NDUFAB1: variants seen among roughly 807,000 people sequenced by gnomAD.
The protein encoded by NDUFAB1 is NADH:ubiquinone oxidoreductase subunit AB1.
NDUFAB1 carries 5 observed loss-of-function variants against 16.1 expected under a neutral mutation model. The ratio of observed to expected loss-of-function variants is 0.31; its 90% confidence interval spans 0.16 to 0.65. The LOEUF (loss-of-function observed/expected upper bound fraction) is 0.65, where lower values mean the gene tolerates loss of function less well. Among genes scored for constraint, NDUFAB1 ranks in the 30% least tolerant of loss-of-function variants. The pLI is 0.77. For synonymous variants in NDUFAB1, 85 were observed against 78.4 expected, an observed-to-expected ratio of 1.08 and a Z score of -0.44; for missense variants, 187 against 205.3, an observed-to-expected ratio of 0.91 and a Z score of 0.54.
chr16:23,596,268 G>A lies in NDUFAB1; in HGVS notation c.23C>T (p.Ala8Val). The A allele has an allele frequency of 1.3e-6, 2 of 1,583,378 alleles. No homozygotes were observed. The highest frequency in any genetic ancestry group is 8.6e-7 in the Non-Finnish European group (1 of 1,166,788). Residue 8 changes from alanine to valine, a missense_variant, in exon 1 of 5, where the codon GCC becomes GTC. Around this residue, in one of 3 missense-constraint regions of NDUFAB1, gnomAD observed 135 missense variants for 129.4 expected, o/e 1.04. Coordinates refer to ENST00000007516, the MANE Select transcript of NDUFAB1 (RefSeq NM_005003.3). The part of the protein sequence containing the change: MASRVLS[A>V]YVSRLPAAFA... Reference sequence around the variant, plus strand: ...GGCCGCGGGCAGGCGGCTGACATAGGCTGAAAGGACACGAGACGCCATGGC... The same window carrying A: ...GGCCGCGGGCAGGCGGCTGACATAGACTGAAAGGACACGAGACGCCATGGC...
At chr16:23,595,645 GGAA>G (rs1272305671) in intron 1 of NDUFAB1, 1 of 457,830 alleles carries the variant, frequency 2.2e-6, no homozygotes, top group African/African-American at 2.0e-5. Context: ...GGTGCTGCAG[GGAA>G]GAGTAAGGAC....
In NDUFAB1 at chr16:23,587,241, C is replaced by T. The variant is rs1487287519; in HGVS notation, c.247G>A (p.Val83Ile). The change falls in exon 2 of 5, where the codon GTT (valine) becomes ATT (isoleucine). Residue 83 changes from valine to isoleucine, a missense_variant. Transcript: ENST00000007516. Reference protein sequence around the residue: ...PLTLEGIQDRVLYVLKLYDKI... With the variant: ...PLTLEGIQDRILYVLKLYDKI... The stretch of plus-strand genomic sequence containing the variant: ...TCATAGAGTTTCAATACGTAAAGAA[C>T]ACGGTCCTGGATGCCCTCTAACGTC... The T allele has an allele frequency of 1.2e-6, 2 of 1,614,126 alleles. No individual in the cohort carries two copies. Among genetic ancestry groups the T allele is most frequent in the Non-Finnish European group, 1.7e-6 (2 of 1,179,996 alleles).
At chr16:23,592,697 GTTTT>G (rs1043557946) in intron 1 of NDUFAB1, among the ~76,000 whole-genome samples, 14 of 152,044 alleles carry the variant, frequency 9.2e-5, no homozygotes, top group African/African-American at 3.1e-4. Context: ...CTTGGTTTTT[GTTTT>G]TTTGTTTTTT....
chr16:23,585,486 CAG>C (rs1966224713), intron 2 of NDUFAB1, 63 bp from the exon 3 acceptor site: 5 of 1,153,102 alleles, frequency 4.3e-6, no homozygotes, highest in Middle Eastern at 1.9e-4. Context: ...CCCAAGATAA[CAG>C]GGTGGTACAA....
Position 23,596,276 on chromosome 16 carries a change from G to T in NDUFAB1, c.15C>A (p.Val5=). ...GCAGGCGGCTGACATAGGCTGAAAG[G>T]ACACGAGACGCCATGGCTACGCCAA... MASR[V]LSAYVSRLPA... is the part of the protein sequence containing the mutation. Residue 5 remains valine, a synonymous_variant, in exon 1 of 5, where the codon GTC becomes GTA. Coordinates refer to ENST00000007516, the MANE Select transcript of NDUFAB1 (RefSeq NM_005003.3). The T allele has an allele frequency of 6.4e-7, 1 of 1,571,444 alleles. No individual in the cohort carries two copies.
rs549977559 is a variant in NDUFAB1, at chr16:23,584,974, G to A, written c.379+362C>T. Among the ~76,000 whole-genome samples the A allele has an allele frequency of 4.6e-5, 7 of 152,318 alleles. No individual in the cohort carries two copies. In the South Asian group the frequency reaches 8.3e-4, roughly 18 times the overall value. The stretch of plus-strand genomic sequence containing the variant: ...CACACATTACTTCTACCTGGTTCGC[G>A]TTACCCGAGCTCAGGAGGGGCTGAC... On this transcript the variant is annotated intron_variant, in intron 3 of 4. Coordinates refer to ENST00000007516, the MANE Select transcript of NDUFAB1 (RefSeq NM_005003.3).
At chr16:23,589,939 A>T (rs1966264319) in intron 1 of NDUFAB1, among the ~76,000 whole-genome samples, 1 of 130,296 alleles carries the variant, frequency 7.7e-6, no homozygotes, top group South Asian at 2.6e-4. Flanking sequence ...CTGTCTCCAA[A>T]AAGAAAAAAA....
chr16:23,595,485 G>C (rs949956175), intron 1 of NDUFAB1: 6 of 433,548 alleles, frequency 1.4e-5, no homozygotes, highest in Non-Finnish European at 2.8e-5. Flanking sequence ...CTCCTTATAC[G>C]CGGGGCGGCA....
chr16:23,594,018 C>CT (rs1385867428), intron 1 of NDUFAB1, among the ~76,000 whole-genome samples: 2 of 151,796 alleles, frequency 1.3e-5, no homozygotes, highest in Non-Finnish European at 2.9e-5. Flanking sequence ...GTAGCTGGGA[C>CT]TACAGGCGCC....
chr16:23,593,768 G>A (rs534712508), intron 1 of NDUFAB1, among the ~76,000 whole-genome samples: 33 of 152,252 alleles, frequency 2.2e-4, no homozygotes, highest in African/African-American at 5.5e-4. Flanking sequence ...AACAAAGACA[G>A]TCACTTCACA....
intron 1 of NDUFAB1, among the ~76,000 whole-genome samples, chr16:23,587,931 G>A (rs1277551177): frequency 6.6e-6 from 1 of 152,246 alleles, no homozygotes; most frequent in East Asian, 1.9e-4. Context: ...TTGCCTCATG[G>A]CCACCAGCCA....
intron 1 of NDUFAB1, among the ~76,000 whole-genome samples, chr16:23,591,835 TACAC>T (rs1966283023): frequency 6.6e-6 from 1 of 152,220 alleles, no homozygotes; most frequent in Non-Finnish European, 1.5e-5. Flanking sequence ...GCTTTTGCAC[TACAC>T]ACACCTGTTT....
chr16:23,593,331 C>T (rs1966295498), intron 1 of NDUFAB1, among the ~76,000 whole-genome samples: 1 of 152,162 alleles, frequency 6.6e-6, no homozygotes, highest in South Asian at 2.1e-4. Context: ...AGAACAGTGT[C>T]ACAACAGCCT....
intron 2 of NDUFAB1, among the ~76,000 whole-genome samples, chr16:23,586,205 C>T (rs892047658): frequency 2.0e-5 from 3 of 151,962 alleles, no homozygotes; most frequent in African/African-American, 2.4e-5. Flanking sequence ...GGATTACAGG[C>T]GTGAGCCACT....
At chr16:23,590,214 C>T (rs426745) in intron 1 of NDUFAB1, among the ~76,000 whole-genome samples, 19,702 of 152,180 alleles carry the variant, frequency 0.13, 1,565 homozygotes, top group African/African-American at 0.22. Context: ...TTAAATTAAA[C>T]GAGTCTCTGA....
intron 1 of NDUFAB1, among the ~76,000 whole-genome samples, chr16:23,592,784 G>A (rs758659316): frequency 6.6e-6 from 1 of 152,136 alleles, no homozygotes; most frequent in Non-Finnish European, 1.5e-5. Context: ...TTGGGAAAAA[G>A]GGTGTAAATG....
At position 23,582,333 on chromosome 16, in the gene NDUFAB1, G is replaced by A; in HGVS notation, c.422C>T (p.Pro141Leu). 1 of 1,580,628 alleles carries A rather than the reference G, an allele frequency of 6.3e-7. No individual in the cohort carries two copies. The highest frequency in any genetic ancestry group is 8.6e-7 in the Non-Finnish European group (1 of 1,164,432). Residue 141 changes from proline (P) to leucine (L), a missense_variant, in exon 4 of 5, where the codon CCA (proline) becomes CTA (leucine). Transcript: ENST00000007516. Reference protein sequence around the residue: ...PDIDAEKLMCPQEIVDYIADK... With the variant: ...PDIDAEKLMCLQEIVDYIADK... ...TGCAATGTAATCTACAATTTCTTGT[G>A]GACACATTAACTTTTCAGCATCTAT...
chr16:23,582,101 G>T (rs1449299319), intron 4 of NDUFAB1, 175 bp downstream of exon 4: 2 of 644,332 alleles, frequency 3.1e-6, no homozygotes, highest in Non-Finnish European at 4.7e-6. Flanking sequence ...ACCTCTCAAA[G>T]ATCACCACCA....
intron 3 of NDUFAB1, among the ~76,000 whole-genome samples, chr16:23,583,808 C>A (rs865942073): frequency 1.3e-5 from 2 of 151,794 alleles, no homozygotes; most frequent in East Asian, 1.9e-4. Context: ...GCGGTTGTTT[C>A]GAATAGAAAA....
Sources: allele counts gnomAD v4.1 joint callset (sites outside exome capture counted in the v4.1 genomes callset), GRCh38; gene constraint gnomAD v4.1.1; regional missense constraint gnomAD v4.1.1; transcripts MANE v1.5; gene names NCBI Gene and HGNC (gene_info 2026-07-23, HGNC 2026-07-21).